RORA: variants seen among roughly 807,000 people sequenced by gnomAD.
RORA encodes nuclear receptor ROR-alpha.
A neutral mutation model predicts 69.5 loss-of-function variants in RORA; 7 were observed. The observed-to-expected ratio is 0.10, with a 90% confidence interval of 0.06 to 0.19. The LOEUF (loss-of-function observed/expected upper bound fraction) is 0.19. Ranked by LOEUF, RORA falls within the 10% of genes least tolerant of loss-of-function variation. The pLI is 1.00. For missense variants in RORA, 457 were observed against 663.0 expected, an observed-to-expected ratio of 0.69 and a Z score of 3.41; for synonymous variants, 261 against 240.8, an observed-to-expected ratio of 1.08 and a Z score of -0.78.
intron 1 of RORA, among the ~76,000 whole-genome samples, chr15:60,879,922 C>T (rs1488067094): frequency 6.6e-6 from 1 of 152,170 alleles, no homozygotes; most frequent in Non-Finnish European, 1.5e-5. Flanking sequence ...ACATACAAGC[C>T]ATCCCCATGA....
intron 1 of RORA, among the ~76,000 whole-genome samples, chr15:61,060,216 G>A (rs1297051375): frequency 6.6e-6 from 1 of 152,194 alleles, no homozygotes; most frequent in African/African-American, 2.4e-5. Context: ...GAGAGACAGA[G>A]TTCACACTTC....
intron 2 of RORA, chr15:60,558,430 A>G (rs767747150): frequency 3.3e-6 from 2 of 609,540 alleles, no homozygotes; most frequent in Non-Finnish European, 5.8e-6. Context: ...ATAATTTAAT[A>G]GATCTCATAC....
chr15:61,135,268 C>A (rs2079226456), intron 1 of RORA, among the ~76,000 whole-genome samples: 1 of 151,732 alleles, frequency 6.6e-6, no homozygotes, highest in African/African-American at 2.4e-5. Flanking sequence ...GAGGTGGAGG[C>A]TGCAGTGAGC....
At chr15:60,705,029 C>T (rs768411702) in intron 1 of RORA, among the ~76,000 whole-genome samples, 22 of 151,918 alleles carry the variant, frequency 1.4e-4, no homozygotes, top group Non-Finnish European at 3.1e-4. Flanking sequence ...GCATTGCAGA[C>T]GTTTGCTCTG....
intron 2 of RORA, among the ~76,000 whole-genome samples, chr15:60,566,377 A>AT (rs1490097782): frequency 1.3e-5 from 2 of 151,988 alleles, no homozygotes; most frequent in Admixed American, 6.6e-5. Flanking sequence ...TGTTATTTTA[A>AT]TTTTTTTTGA....
chr15:60,802,723 A>C (rs185443689), intron 1 of RORA, among the ~76,000 whole-genome samples: 63 of 152,284 alleles, frequency 4.1e-4, no homozygotes, highest in Non-Finnish European at 8.1e-4. Flanking sequence ...TCTTTTTCAA[A>C]TATTTCTATG....
chr15:60,868,581 G>A (rs371836521), intron 1 of RORA, among the ~76,000 whole-genome samples: 23 of 152,156 alleles, frequency 1.5e-4, no homozygotes, highest in African/African-American at 4.6e-4. Context: ...GCTACTGTGA[G>A]AGGGATTTAA....
chr15:60,813,756 G>C (rs913662457), intron 1 of RORA, among the ~76,000 whole-genome samples: 6 of 152,108 alleles, frequency 3.9e-5, no homozygotes, highest in African/African-American at 1.4e-4. Flanking sequence ...AGTTTACAAA[G>C]TACTTTTACC....
At chr15:60,633,225 G>A (rs182659924) in intron 2 of RORA, among the ~76,000 whole-genome samples, 3 of 152,298 alleles carry the variant, frequency 2.0e-5, no homozygotes, top group Admixed American at 1.3e-4. Context: ...GGTTTGTGTT[G>A]GTAGCAGATA....
At chr15:61,137,079 GA>G (rs2079250978) in intron 1 of RORA, among the ~76,000 whole-genome samples, 1 of 148,232 alleles carries the variant, frequency 6.7e-6, no homozygotes, top group Non-Finnish European at 1.5e-5. Flanking sequence ...AAGAAAGAAA[GA>G]AAGAAAGAAA....
At chr15:60,618,913 A>G (rs1300175746) in intron 2 of RORA, among the ~76,000 whole-genome samples, 17 of 152,208 alleles carry the variant, frequency 1.1e-4, no homozygotes, top group Non-Finnish European at 1.5e-5. Flanking sequence ...CACATGCCCA[A>G]AGGTGCTCAG....
chr15:61,006,267 G>A (rs1024557193), intron 1 of RORA, among the ~76,000 whole-genome samples: 3 of 151,878 alleles, frequency 2.0e-5, no homozygotes, highest in Admixed American at 6.6e-5. Flanking sequence ...GTGCCCGGCC[G>A]TAATATTTTT....
chr15:60,621,207 T>C (rs749342083), intron 2 of RORA, among the ~76,000 whole-genome samples: 11 of 151,540 alleles, frequency 7.3e-5, no homozygotes, highest in African/African-American at 2.4e-4. Context: ...CGAATATATA[T>C]ATATATATTT....
At chr15:61,062,157 C>T (rs2078195706) in intron 1 of RORA, among the ~76,000 whole-genome samples, 1 of 152,222 alleles carries the variant, frequency 6.6e-6, no homozygotes, top group Admixed American at 6.5e-5. Context: ...GTCTTCTTGG[C>T]TCTGAATGCC....
chr15:60,585,144 T>A (rs916426739), intron 2 of RORA, among the ~76,000 whole-genome samples: 1 of 152,198 alleles, frequency 6.6e-6, no homozygotes, highest in Non-Finnish European at 1.5e-5. Context: ...TACCTCTGTG[T>A]AGCACCAGGA....
chr15:60,758,222 CCATGCTACAATAAGCATGTATTCAG>C, intron 1 of RORA, among the ~76,000 whole-genome samples: 1 of 152,156 alleles, frequency 6.6e-6, no homozygotes, highest in East Asian at 1.9e-4. Context: ...CAGTAATTCT[CCATGCTACAATAAGCATGTATTCAG>C]TGACACGACC....
At chr15:61,086,369 T>G (rs1193745150) in intron 1 of RORA, among the ~76,000 whole-genome samples, 1 of 152,244 alleles carries the variant, frequency 6.6e-6, no homozygotes, top group African/African-American at 2.4e-5. Flanking sequence ...GAAATTCTAA[T>G]TATTTAACTG....
intron 1 of RORA, among the ~76,000 whole-genome samples, chr15:61,019,115 C>T (rs935302131): frequency 4.6e-5 from 7 of 152,188 alleles, no homozygotes; most frequent in Admixed American, 4.6e-4. Flanking sequence ...TACAAAAGGA[C>T]CCAGTTGCTG....
rs143679414 is a variant in RORA, at chr15:61,037,193, T to C, written c.166+191860A>G. Among the ~76,000 whole-genome samples, 1,377 of 152,252 alleles carry C rather than the reference T, an allele frequency of 9.0e-3. 64 individuals are homozygous for C. Among genetic ancestry groups the C allele is most frequent in the Admixed American group, 0.063 (963 of 15,284 alleles). ...AGCAATGTGTAAGAATTGAAAAATA[T>C]GTAAAGTACTTAGTACTGTGCCAGA... On this transcript the variant is annotated intron_variant, in intron 1 of 10. Coordinates refer to ENST00000335670, the MANE Select transcript of RORA (RefSeq NM_134261.3).
Sources: allele counts gnomAD v4.1 joint callset (sites outside exome capture counted in the v4.1 genomes callset), GRCh38; gene constraint gnomAD v4.1.1; transcripts MANE v1.5; gene names NCBI Gene and HGNC (gene_info 2026-07-23, HGNC 2026-07-21).